MYO5B: variants seen among roughly 807,000 people sequenced by gnomAD.
The protein encoded by MYO5B is unconventional myosin-Vb.
Under a neutral mutation model 229.3 loss-of-function variants are expected in MYO5B, and 143 were observed. That is an observed-to-expected ratio of 0.62 (90% confidence interval 0.54 to 0.72). The LOEUF (loss-of-function observed/expected upper bound fraction) is 0.72, where lower values mean the gene tolerates loss of function less well. MYO5B is among the 30% of genes least tolerant of loss of function. The pLI, the probability that MYO5B is intolerant of heterozygous loss-of-function variation, is 0.00. For synonymous variants in MYO5B, 918 were observed against 885.2 expected (o/e 1.04, Z -0.66); for missense variants, 2,321 against 2,331.0 (o/e 1.00, Z 0.09).
chr18:49,959,375 A>G (rs910248679), intron 12 of MYO5B, among the ~76,000 whole-genome samples: 8 of 152,206 alleles, frequency 5.3e-5, no homozygotes, highest in Non-Finnish European at 1.2e-4. Context: ...CCTCCATCAC[A>G]GGAGTCACAC....
rs11426659 is a variant in MYO5B at position 50,136,364 on chromosome 18, C to CTT, written c.27+58401_27+58402dup. Among the ~76,000 whole-genome samples, 622 of 131,686 alleles carry CTT rather than the reference C, an allele frequency of 4.7e-3. 6 individuals carry two copies. Among genetic ancestry groups the CTT allele is most frequent in the Middle Eastern group, 0.02 (5 of 246 alleles). The allele number at this position is 131,686 out of a possible 152,430, so 86.4% of individuals were successfully genotyped here. A position where few individuals can be genotyped will look rare whatever the true frequency, so the allele number is the denominator to read the frequency against. On this transcript the variant is annotated intron_variant, in intron 1 of 39. Coordinates refer to ENST00000285039, the MANE Select transcript of MYO5B (RefSeq NM_001080467.3). ...ATATTTGTTTTTTGTTTTTTTTTTA[C>CTT]TTTTTTTTTTTTTTTTGCATCCATG...
At chr18:50,140,862 A>G (rs2032407288) in intron 1 of MYO5B, among the ~76,000 whole-genome samples, 1 of 152,232 alleles carries the variant, frequency 6.6e-6, no homozygotes, top group East Asian at 1.9e-4. Flanking sequence ...TAGTTTAGCT[A>G]AAGGATACAG....
chr18:49,935,872 C>A (rs62100982), intron 16 of MYO5B, among the ~76,000 whole-genome samples: 54,668 of 152,138 alleles, frequency 0.36, 10,783 homozygotes, highest in Middle Eastern at 0.59. Flanking sequence ...TCCAACACAT[C>A]ATGTGAGGTC....
At chr18:49,973,497 A>G (rs1354491614) in intron 10 of MYO5B, among the ~76,000 whole-genome samples, 1 of 152,196 alleles carries the variant, frequency 6.6e-6, no homozygotes, top group Non-Finnish European at 1.5e-5. Context: ...AGATGCCATG[A>G]CTTCTATAAT....
intron 5 of MYO5B, among the ~76,000 whole-genome samples, chr18:50,000,095 A>G (rs925978242): frequency 2.0e-5 from 3 of 152,210 alleles, no homozygotes; most frequent in Admixed American, 6.5e-5. Flanking sequence ...TTGCCTGGAT[A>G]ATCAATGAAC....
chr18:49,842,986 G>C (rs1467005373), intron 34 of MYO5B, among the ~76,000 whole-genome samples: 3 of 152,364 alleles, frequency 2.0e-5, no homozygotes, highest in South Asian at 4.1e-4. Flanking sequence ...GGCATGTCTG[G>C]AGGCTCAGCA....
intron 1 of MYO5B, among the ~76,000 whole-genome samples, chr18:50,164,590 A>ATT (rs11450293): frequency 5.3e-4 from 81 of 151,546 alleles, no homozygotes; most frequent in South Asian, 1.0e-3. Context: ...TCAAATTGTG[A>ATT]TTTTTTTTTA....
chr18:49,997,336 T>C (rs560481716), intron 5 of MYO5B, among the ~76,000 whole-genome samples: 1 of 147,846 alleles, frequency 6.8e-6, no homozygotes, highest in African/African-American at 2.5e-5. Context: ...TTCATCATCA[T>C]TTTTGCTAGC....
chr18:50,066,097 T>C (rs531616575), intron 1 of MYO5B, among the ~76,000 whole-genome samples: 2 of 152,220 alleles, frequency 1.3e-5, no homozygotes, highest in South Asian at 2.1e-4. Context: ...AAACTACACA[T>C]GGATTTCAAA....
chr18:49,985,953 A>G (rs1192286594), intron 7 of MYO5B, among the ~76,000 whole-genome samples: 7 of 152,184 alleles, frequency 4.6e-5, no homozygotes, highest in Non-Finnish European at 2.9e-5. Context: ...AACTGTTGAA[A>G]AAGACACTAT....
chr18:50,143,876 G>A (rs2032457968), intron 1 of MYO5B, among the ~76,000 whole-genome samples: 2 of 152,046 alleles, frequency 1.3e-5, no homozygotes, highest in East Asian at 1.9e-4. Context: ...TGCCCTATTC[G>A]TTGCTCTCAC....
chr18:50,081,799 G>T (rs1225523575), intron 1 of MYO5B, among the ~76,000 whole-genome samples: 1 of 150,898 alleles, frequency 6.6e-6, no homozygotes, highest in Non-Finnish European at 1.5e-5. Flanking sequence ...AAAAAATAAA[G>T]CCCACAATTG....
intron 22 of MYO5B, among the ~76,000 whole-genome samples, chr18:49,888,006 C>T (rs1027035192): frequency 1.5e-4 from 23 of 152,102 alleles, no homozygotes; most frequent in Non-Finnish European, 8.8e-5. Context: ...TTTATAGTAA[C>T]GCAAGAACAG....
chr18:50,101,538 A>T (rs2031655137), intron 1 of MYO5B, among the ~76,000 whole-genome samples: 1 of 152,140 alleles, frequency 6.6e-6, no homozygotes, highest in Admixed American at 6.5e-5. Flanking sequence ...CAAGAAACTT[A>T]AATTTACAAG....
Position 49,936,359 on chromosome 18 carries a change from C to A in MYO5B, c.1906-10G>T, listed in dbSNP as rs1451714398. 2 of 1,573,598 alleles carry A rather than the reference C, an allele frequency of 1.3e-6. No individual in the cohort carries two copies. The highest frequency in any genetic ancestry group is 1.8e-5 in the Admixed American group (1 of 55,392). On this transcript the variant is annotated splice_polypyrimidine_tract_variant and intron_variant, in intron 15 of 39. Coordinates refer to ENST00000285039, the MANE Select transcript of MYO5B (RefSeq NM_001080467.3). ...GCAGGGAGGTACGGAACTAGAGAGACAAAAGCCAGTGCTTGGTTAGTTTTA... is the reference window on the plus strand; with the variant it reads ...GCAGGGAGGTACGGAACTAGAGAGAAAAAAGCCAGTGCTTGGTTAGTTTTA...
chr18:49,872,805 G>A (rs2024471478), intron 26 of MYO5B, among the ~76,000 whole-genome samples: 1 of 152,004 alleles, frequency 6.6e-6, no homozygotes, highest in African/African-American at 2.4e-5. Flanking sequence ...AGAGAAGACG[G>A]GCTGTCAACA....
rs878920256 is a variant in MYO5B, at chr18:49,992,325, C to T, written c.719G>A (p.Arg240Lys). 1 of 1,614,170 alleles carries T rather than the reference C, an allele frequency of 6.2e-7. No homozygotes were observed. ...TCTGGACTTCTCCAAGAGGTAAGTC[C>T]TCATGTTGGCCCCGATGATGTGGTA... ...KRYHIIGANM[R>K]TYLLEKSRVV... The change falls in exon 6 of 40, where the codon AGG becomes AAG. Residue 240 changes from arginine (R) to lysine (K), a missense_variant. Physicochemically the swap from Arg to Lys is conservative, Grantham distance 26. Coordinates refer to ENST00000285039, the MANE Select transcript of MYO5B (RefSeq NM_001080467.3).
chr18:49,966,470 T>TC (rs1431745638), intron 10 of MYO5B, among the ~76,000 whole-genome samples: 1 of 152,140 alleles, frequency 6.6e-6, no homozygotes, highest in Non-Finnish European at 1.5e-5. Context: ...CTGAGCTATG[T>TC]CCCTTAGAAC....
rs184698410 is a variant in MYO5B at position 50,015,436 on chromosome 18, T to C, written c.456-14025A>G. 9.8e-5 allele frequency among the ~76,000 whole-genome samples: 15 copies of C among 152,382 alleles called. No individual in the cohort carries two copies. In the East Asian group the frequency reaches 2.9e-3, roughly 29 times the overall value. On this transcript the variant is annotated intron_variant, in intron 4 of 39. Coordinates refer to ENST00000285039, the MANE Select transcript of MYO5B (RefSeq NM_001080467.3). ...TCTTAAACTATTCTGGGTGTTCCTT[T>C]AATAATTTTATTTCTTGAAATCTGA...
Sources: allele counts gnomAD v4.1 joint callset (sites outside exome capture counted in the v4.1 genomes callset), GRCh38; gene constraint gnomAD v4.1.1; transcripts MANE v1.5; gene names NCBI Gene and HGNC (gene_info 2026-07-23, HGNC 2026-07-21).